Variants in WWOX observed in about 807,000 individuals in gnomAD.
WWOX encodes the protein WW domain containing oxidoreductase, also known as WW domain-containing oxidoreductase.
Under a neutral mutation model 46.2 loss-of-function variants are expected in WWOX, and 69 were observed. The ratio of observed to expected loss-of-function variants is 1.49; its 90% CI spans 1.23 to 1.82. The LOEUF (loss-of-function observed/expected upper bound fraction) is 1.82, where lower values mean the gene tolerates loss of function less well. Ranked by LOEUF, WWOX falls within the 40% of genes most tolerant of loss-of-function variation. The probability of loss-of-function intolerance (pLI) is 0.00; values close to 1 mark genes in which losing one functional copy is unlikely to be tolerated. For missense variants in WWOX, 919 were observed against 542.6 expected (o/e 1.69, Z -6.89); for synonymous variants, 359 against 202.6 (o/e 1.77, Z -6.56).
intron 5 of WWOX, among the ~76,000 whole-genome samples, chr16:78,294,445 T>C (rs2079910568): frequency 6.6e-6 from 1 of 152,136 alleles, no homozygotes; most frequent in Admixed American, 6.5e-5. Flanking sequence ...CTACTTGTTC[T>C]ATAAGAGCCA....
At chr16:78,279,375 T>A (rs1300185639) in intron 5 of WWOX, among the ~76,000 whole-genome samples, 1 of 152,206 alleles carries the variant, frequency 6.6e-6, no homozygotes, top group East Asian at 1.9e-4. Flanking sequence ...GATTGTAAAA[T>A]GTGTCTACTT....
chr16:79,021,326 C>T (rs1033633823), intron 8 of WWOX, among the ~76,000 whole-genome samples: 1 of 152,170 alleles, frequency 6.6e-6, no homozygotes, highest in Non-Finnish European at 1.5e-5. Flanking sequence ...TGTCTCTACT[C>T]TCAAGAAACT....
rs568718424 is a variant in WWOX, at chr16:78,321,535, C to G, written c.517-65325C>G. ...CGTAGTCTGCCACGAGAATCCTTGT[C>G]TGATGTTTGTGGGTGTGTAGGACTG... On this transcript the variant is annotated intron_variant, in intron 5 of 8. Transcript: ENST00000566780. 6.5e-4 allele frequency among the ~76,000 whole-genome samples: 98 copies of G among 151,736 alleles called. No individual in the cohort carries two copies. The South Asian group carries it at 0.02, about 32-fold the overall frequency.
intron 5 of WWOX, among the ~76,000 whole-genome samples, chr16:78,172,033 T>A (rs1225681941): frequency 6.6e-6 from 1 of 152,222 alleles, no homozygotes; most frequent in African/African-American, 2.4e-5. Context: ...GGAAGAGGCA[T>A]AGACTTTCCC....
intron 8 of WWOX, among the ~76,000 whole-genome samples, chr16:78,734,161 T>A (rs1170779946): frequency 6.6e-6 from 1 of 152,198 alleles, no homozygotes; most frequent in African/African-American, 2.4e-5. Context: ...TATTAAATTC[T>A]AGTTAGAGAC....
Position 78,757,013 on chromosome 16 carries a change from C to T in WWOX, c.1056+324261C>T, listed in dbSNP as rs1204200866. On this transcript the variant is annotated intron_variant, in intron 8 of 8. Coordinates refer to ENST00000566780, the MANE Select transcript of WWOX (RefSeq NM_016373.4). ...AAGAACTGAGCCTCCTGCCAACAGC[C>T]ATGTGAGTGAACCACGTTCGAAGTT... 7.1e-6 allele frequency: 5 copies of T among 699,828 alleles called. No homozygotes were observed. The Admixed American group carries it at 1.0e-4, about 14-fold the overall frequency. 43.4% of individuals were successfully genotyped at this position (699,828 alleles called of 1,614,324 possible). A position where few individuals can be genotyped will look rare whatever the true frequency, so the allele number is the denominator to read the frequency against.
At chr16:78,621,038 G>C (rs552511053) in intron 8 of WWOX, among the ~76,000 whole-genome samples, 39 of 152,086 alleles carry the variant, frequency 2.6e-4, no homozygotes, top group Non-Finnish European at 5.3e-4. Context: ...TTCTGTTTAA[G>C]GTAAAGCCTG....
intron 8 of WWOX, among the ~76,000 whole-genome samples, chr16:78,536,865 T>C (rs1375990495): frequency 6.6e-6 from 1 of 152,074 alleles, no homozygotes; most frequent in Non-Finnish European, 1.5e-5. Flanking sequence ...AAGTCGTTTA[T>C]TGAGTACTTA....
chr16:78,175,783 A>G (rs74027907), intron 5 of WWOX, among the ~76,000 whole-genome samples: 4,200 of 152,286 alleles, frequency 0.028, 190 homozygotes, highest in African/African-American at 0.095. Context: ...TTAAGCCACT[A>G]TGCTCTGGGG....
At chr16:79,040,211 C>A (rs746030724) in intron 8 of WWOX, among the ~76,000 whole-genome samples, 5 of 151,146 alleles carry the variant, frequency 3.3e-5, no homozygotes, top group Non-Finnish European at 7.4e-5. Flanking sequence ...CCTCCAAGTT[C>A]TTTGAACCTC....
chr16:78,613,249 A>T (rs1292272811), intron 8 of WWOX, among the ~76,000 whole-genome samples: 1 of 151,962 alleles, frequency 6.6e-6, no homozygotes, highest in South Asian at 2.1e-4. Flanking sequence ...CAACATCTCT[A>T]CCTTCTCCGG....
chr16:79,030,559 C>G (rs1367978530), intron 8 of WWOX, among the ~76,000 whole-genome samples: 1 of 152,184 alleles, frequency 6.6e-6, no homozygotes, highest in African/African-American at 2.4e-5. Flanking sequence ...GCTGTACCGA[C>G]TCATATGAGG....
At chr16:78,723,212 T>G (rs186263736) in intron 8 of WWOX, among the ~76,000 whole-genome samples, 65 of 152,350 alleles carry the variant, frequency 4.3e-4, no homozygotes, top group African/African-American at 1.5e-3. Context: ...AGCTACAGAA[T>G]ACTTATTTTC....
intron 8 of WWOX, among the ~76,000 whole-genome samples, chr16:79,182,542 C>T (rs918234128): frequency 1.3e-5 from 2 of 151,884 alleles, no homozygotes; most frequent in African/African-American, 4.8e-5. Flanking sequence ...ATTAGCGGGG[C>T]CTGTTATAAT....
At chr16:78,349,029 G>C (rs949624853) in intron 5 of WWOX, among the ~76,000 whole-genome samples, 1 of 119,840 alleles carries the variant, frequency 8.3e-6, no homozygotes, top group East Asian at 1.9e-4. Context: ...CCACAGGCTG[G>C]ATAACTTGAA....
chr16:78,929,367 CCTG>C (rs1207430922), intron 8 of WWOX, among the ~76,000 whole-genome samples: 29 of 151,724 alleles, frequency 1.9e-4, no homozygotes, highest in Non-Finnish European at 1.3e-4. Flanking sequence ...TATTTTTTCT[CCTG>C]CTTGCCTTAT....
chr16:78,697,808 A>C (rs1254284361), intron 8 of WWOX, among the ~76,000 whole-genome samples: 2 of 152,144 alleles, frequency 1.3e-5, no homozygotes, highest in African/African-American at 2.4e-5. Flanking sequence ...ATCCCATCCT[A>C]AGTTGAGGAG....
chr16:78,849,758 C>T lies in WWOX; in HGVS notation c.1057-361850C>T, dbSNP rs114513443. On this transcript the variant is annotated intron_variant, in intron 8 of 8. Transcript: ENST00000566780. ...AGGTTTATATTGTTCTTACCTGAGC[C>T]AAAGGACCCATAAAAAATAGAGTGA... Among the ~76,000 whole-genome samples the T allele has an allele frequency of 9.1e-3, 1,384 of 151,438 alleles. 28 individuals are homozygous for T. Among genetic ancestry groups the T allele is most frequent in the African/African-American group, 0.032 (1,324 of 41,270 alleles).
chr16:78,649,554 G>C (rs1226783522), intron 8 of WWOX, among the ~76,000 whole-genome samples: 3 of 152,214 alleles, frequency 2.0e-5, no homozygotes, highest in African/African-American at 7.2e-5. Context: ...TGGGATTACA[G>C]GCTTGAGCTA....
Sources: gnomAD v4.1 joint callset for allele counts (sites outside exome capture counted in the v4.1 genomes callset) on GRCh38, gnomAD v4.1.1 for gene constraint, MANE v1.5 for transcripts, NCBI Gene and HGNC (gene_info 2026-07-23, HGNC 2026-07-21) for gene names.